Variants in LUZP2 observed in about 807,000 individuals in gnomAD.
LUZP2 encodes the protein leucine zipper protein 2.
In LUZP2, 52 loss-of-function variants were observed where a neutral mutation model predicts 51.6. The ratio of observed to expected loss-of-function variants is 1.01; its 90% confidence interval spans 0.81 to 1.27. The LOEUF (loss-of-function observed/expected upper bound fraction) is 1.27. Among genes scored for constraint, LUZP2 ranks in the 50% most tolerant of loss-of-function variants. LUZP2 has a pLI of 0.00. For missense variants in LUZP2, 436 were observed against 395.4 expected (o/e 1.10, Z -0.87); for synonymous variants, 154 against 137.3 (o/e 1.12, Z -0.85).
chr11:24,743,944 A>G (rs1490161571), intron 4 of LUZP2, among the ~76,000 whole-genome samples: 2 of 152,118 alleles, frequency 1.3e-5, no homozygotes, highest in Non-Finnish European at 2.9e-5. Context: ...TGAGCATTCA[A>G]CAGAGAATGC....
intron 5 of LUZP2, among the ~76,000 whole-genome samples, chr11:24,768,371 A>C (rs1590484102): frequency 6.6e-6 from 1 of 152,182 alleles, no homozygotes; most frequent in East Asian, 1.9e-4. Context: ...TGGCCTCCCA[A>C]AGTGCTGGGA....
At chr11:24,844,998 C>A (rs1420917028) in intron 5 of LUZP2, among the ~76,000 whole-genome samples, 2 of 152,146 alleles carry the variant, frequency 1.3e-5, no homozygotes, top group Non-Finnish European at 2.9e-5. Context: ...GGCCACAGCC[C>A]CCCACACAAA....
chr11:24,705,233 T>A (rs1441294684), intron 1 of LUZP2, among the ~76,000 whole-genome samples: 2 of 152,160 alleles, frequency 1.3e-5, no homozygotes, highest in Non-Finnish European at 2.9e-5. Flanking sequence ...AGGTTGTTCT[T>A]GCCTCTTTAA....
At chr11:24,522,762 G>A (rs1390624572) in intron 1 of LUZP2, among the ~76,000 whole-genome samples, 3 of 151,938 alleles carry the variant, frequency 2.0e-5, no homozygotes, top group East Asian at 1.9e-4. Context: ...TTTTAAATCC[G>A]ATTTGGGGTA....
chr11:25,026,515 G>C (rs1054458051), intron 9 of LUZP2, among the ~76,000 whole-genome samples: 15 of 148,560 alleles, frequency 1.0e-4, no homozygotes, highest in African/African-American at 2.9e-4. Flanking sequence ...AAGAACTTAA[G>C]CTTATTGCCT....
At chr11:24,775,397 A>C (rs982845498) in intron 5 of LUZP2, among the ~76,000 whole-genome samples, 3 of 152,204 alleles carry the variant, frequency 2.0e-5, no homozygotes, top group Non-Finnish European at 2.9e-5. Context: ...CAATGCTGTA[A>C]GTATCTGTTA....
intron 1 of LUZP2, among the ~76,000 whole-genome samples, chr11:24,515,127 C>T (rs1850424281): frequency 1.3e-5 from 2 of 152,134 alleles, no homozygotes; most frequent in Non-Finnish European, 1.5e-5. Flanking sequence ...ATAATAACTT[C>T]TTGGAAATTA....
At chr11:25,020,451 T>A (rs1313145205) in intron 9 of LUZP2, among the ~76,000 whole-genome samples, 1 of 152,158 alleles carries the variant, frequency 6.6e-6, no homozygotes, top group Non-Finnish European at 1.5e-5. Flanking sequence ...ATGGACTGCA[T>A]CTGAATGAAG....
intron 1 of LUZP2, among the ~76,000 whole-genome samples, chr11:24,605,900 T>G (rs1590233439): frequency 6.6e-6 from 1 of 151,840 alleles, no homozygotes; most frequent in Admixed American, 6.6e-5. Context: ...CTTTCTATTC[T>G]CTTTTTCTGT....
At chr11:24,848,840 A>G (rs935266766) in intron 5 of LUZP2, among the ~76,000 whole-genome samples, 3 of 152,180 alleles carry the variant, frequency 2.0e-5, no homozygotes, top group African/African-American at 7.2e-5. Flanking sequence ...AATAAACACA[A>G]AAACCATAAT....
At chr11:24,911,507 A>G (rs1387708692) in intron 6 of LUZP2, among the ~76,000 whole-genome samples, 1 of 152,024 alleles carries the variant, frequency 6.6e-6, no homozygotes, top group Non-Finnish European at 1.5e-5. Flanking sequence ...CAGGAGATCC[A>G]ATGGTTTTTT....
chr11:24,706,061 T>C (rs1857571985), intron 1 of LUZP2, among the ~76,000 whole-genome samples: 2 of 152,160 alleles, frequency 1.3e-5, no homozygotes, highest in South Asian at 4.1e-4. Flanking sequence ...AAATTTTCAC[T>C]GTGAGCTGTG....
intron 6 of LUZP2, among the ~76,000 whole-genome samples, chr11:24,914,207 G>A (rs1259284975): frequency 1.3e-5 from 2 of 152,176 alleles, no homozygotes; most frequent in Non-Finnish European, 2.9e-5. Context: ...GAAATTTTGT[G>A]TGTTTAGTTG....
chr11:25,032,422 G>A (rs79687491), intron 9 of LUZP2, among the ~76,000 whole-genome samples: 259 of 152,120 alleles, frequency 1.7e-3, no homozygotes, highest in Non-Finnish European at 2.7e-3. Flanking sequence ...GCAAAAATGG[G>A]GATTCTAATA....
intron 5 of LUZP2, among the ~76,000 whole-genome samples, chr11:24,873,488 AG>A (rs1474837516): frequency 1.3e-5 from 2 of 152,206 alleles, no homozygotes; most frequent in Non-Finnish European, 2.9e-5. Context: ...CCATTCGCTA[AG>A]TATGACTTTC....
chr11:24,861,780 G>C (rs1401624406), intron 5 of LUZP2, among the ~76,000 whole-genome samples: 3 of 152,200 alleles, frequency 2.0e-5, no homozygotes, highest in Non-Finnish European at 4.4e-5. Context: ...CTTTCAGGGA[G>C]CAGTCACAGT....
chr11:24,849,068 A>T (rs1590634617), intron 5 of LUZP2, among the ~76,000 whole-genome samples: 1 of 152,090 alleles, frequency 6.6e-6, no homozygotes, highest in Admixed American at 6.6e-5. Context: ...TTTGCTACTC[A>T]GCATTTTTTC....
At chr11:24,769,071 C>T (rs1168435051) in intron 5 of LUZP2, among the ~76,000 whole-genome samples, 1 of 152,088 alleles carries the variant, frequency 6.6e-6, no homozygotes, top group Admixed American at 6.5e-5. Context: ...AGAATGAAAT[C>T]CTGTCATTTG....
chr11:24,698,499 G>A (rs960973754), intron 1 of LUZP2, among the ~76,000 whole-genome samples: 2 of 152,050 alleles, frequency 1.3e-5, no homozygotes, highest in Non-Finnish European at 2.9e-5. Context: ...CTTCAAAAAA[G>A]GCTTCAGGAT....
Sources: gnomAD v4.1 joint callset for allele counts (sites outside exome capture counted in the v4.1 genomes callset) on GRCh38, gnomAD v4.1.1 for gene constraint, MANE v1.5 for transcripts, NCBI Gene and HGNC (gene_info 2026-07-23, HGNC 2026-07-21) for gene names.